Variants in ATXN8OS observed in about 807,000 individuals in gnomAD.
ATXN8OS encodes the protein ATXN8 opposite strand (non-protein coding).
At chr13:70,107,833 G>A (rs1018168298) in exon 1 of ATXN8OS, 18 of 660,248 alleles carry the variant, frequency 2.7e-5, no homozygotes, top group Middle Eastern at 4.2e-4. Flanking sequence ...GCCAGAAGAC[G>A]CTAGGTGGGC....
At chr13:70,108,234 C>T in intron 1 of ATXN8OS, 1 of 390,350 alleles carries the variant, frequency 2.6e-6, no homozygotes. Context: ...GCGTACCCCT[C>T]GCCAGATCTC....
chr13:70,169,931 G>A (rs1045009198), exon 5 of ATXN8OS, among the ~76,000 whole-genome samples: 1 of 152,054 alleles, frequency 6.6e-6, no homozygotes, highest in African/African-American at 2.4e-5. Context: ...TGCATTGCGA[G>A]CCAGCTTCTT....
At chr13:70,158,505 G>A (rs534029255) in intron 4 of ATXN8OS, among the ~76,000 whole-genome samples, 24 of 152,246 alleles carry the variant, frequency 1.6e-4, no homozygotes, top group African/African-American at 5.3e-4. Context: ...TGCCTCCATC[G>A]GTCCCTTTCA....
At chr13:70,124,974 A>G (rs1213285160) in intron 2 of ATXN8OS, among the ~76,000 whole-genome samples, 1 of 150,370 alleles carries the variant, frequency 6.7e-6, no homozygotes, top group African/African-American at 2.4e-5. Flanking sequence ...AATTTAACTC[A>G]ATGGGCTGTG....
intron 4 of ATXN8OS, among the ~76,000 whole-genome samples, chr13:70,158,556 CTA>C (rs1487836511): frequency 2.0e-5 from 3 of 152,206 alleles, no homozygotes. Flanking sequence ...TCTCAGTGCA[CTA>C]TGTGCTAAAA....
At chr13:70,122,981 A>G (rs9572376) in intron 2 of ATXN8OS, among the ~76,000 whole-genome samples, 24,253 of 151,968 alleles carry the variant, frequency 0.16, 2,493 homozygotes, top group African/African-American at 0.29. Context: ...TAAAACTGAA[A>G]TTATAATACT....
intron 4 of ATXN8OS, among the ~76,000 whole-genome samples, chr13:70,150,014 CA>C (rs1294143881): frequency 6.6e-6 from 1 of 152,110 alleles, no homozygotes; most frequent in South Asian, 2.1e-4. Flanking sequence ...TTCTCACAGA[CA>C]ACCTTCTATG....
At chr13:70,114,180 C>G (rs1403053055) in intron 1 of ATXN8OS, among the ~76,000 whole-genome samples, 1 of 151,956 alleles carries the variant, frequency 6.6e-6, no homozygotes, top group African/African-American at 2.4e-5. Context: ...AGTTTTACAC[C>G]CAGTCAGGAT....
intron 3 of ATXN8OS, among the ~76,000 whole-genome samples, chr13:70,140,255 C>A (rs767049363): frequency 6.6e-6 from 1 of 151,714 alleles, no homozygotes; most frequent in Non-Finnish European, 1.5e-5. Context: ...CCTCTGTCAA[C>A]AATAAGTTAT....
intron 4 of ATXN8OS, among the ~76,000 whole-genome samples, chr13:70,169,699 A>G (rs553830370): frequency 2.0e-5 from 3 of 152,220 alleles, no homozygotes; most frequent in Non-Finnish European, 2.9e-5. Context: ...TAAAGATATC[A>G]TCTGTTGAAT....
Position 70,163,369 on chromosome 13 carries a change from A to T in ATXN8OS, n.574-6384A>T, listed in dbSNP as rs531459353. Among the ~76,000 whole-genome samples the T allele has an allele frequency of 1.8e-3, 271 of 151,692 alleles. 1 individual carries two copies. The highest frequency in any genetic ancestry group is 5.8e-3 in the African/African-American group (242 of 41,494). On this transcript the variant is annotated intron_variant and non_coding_transcript_variant, in intron 4 of 4. Coordinates refer to ENST00000678624, the Ensembl canonical transcript of ATXN8OS. ...AGGATCTTAATTATTACACAAAATC[A>T]TCTCCCTTGAATAGCATTTTCTTTC...
At chr13:70,134,047 TTTTTA>T (rs1178725870) in intron 3 of ATXN8OS, among the ~76,000 whole-genome samples, 3 of 152,166 alleles carry the variant, frequency 2.0e-5, no homozygotes, top group African/African-American at 7.2e-5. Context: ...TTATTTTTAT[TTTTTA>T]TTTTTTGTCT....
At chr13:70,150,080 G>C (rs1233360389) in intron 4 of ATXN8OS, among the ~76,000 whole-genome samples, 1 of 152,036 alleles carries the variant, frequency 6.6e-6, no homozygotes, top group Non-Finnish European at 1.5e-5. Context: ...GTTAAGAACA[G>C]AGAAAAAGGG....
intron 4 of ATXN8OS, among the ~76,000 whole-genome samples, chr13:70,161,694 G>T (rs1333592416): frequency 1.3e-5 from 2 of 150,744 alleles, no homozygotes; most frequent in Admixed American, 1.3e-4. Flanking sequence ...ACCAGAGGCG[G>T]TCTCTGTTTC....
intron 2 of ATXN8OS, among the ~76,000 whole-genome samples, chr13:70,128,745 A>G (rs1399604850): frequency 6.6e-6 from 1 of 151,968 alleles, no homozygotes; most frequent in Non-Finnish European, 1.5e-5. Context: ...TCTTCCCCGC[A>G]GTGTCCTGAA....
chr13:70,169,033 A>G (rs1030377777), intron 4 of ATXN8OS, among the ~76,000 whole-genome samples: 1 of 152,130 alleles, frequency 6.6e-6, no homozygotes, highest in African/African-American at 2.4e-5. Context: ...GAACAGACCT[A>G]GTTTTGTTTT....
intron 4 of ATXN8OS, among the ~76,000 whole-genome samples, chr13:70,157,554 T>TG (rs1555301774): frequency 6.8e-6 from 1 of 147,534 alleles, no homozygotes; most frequent in African/African-American, 2.5e-5. Context: ...TACCAGCAGT[T>TG]AAAAAAAAAA....
intron 4 of ATXN8OS, among the ~76,000 whole-genome samples, chr13:70,163,170 T>G (rs986211159): frequency 6.6e-6 from 1 of 152,140 alleles, no homozygotes; most frequent in South Asian, 2.1e-4. Context: ...GTTATGTTTC[T>G]AAATAATGTT....
At chr13:70,151,376 A>G (rs566645853) in intron 4 of ATXN8OS, among the ~76,000 whole-genome samples, 167 of 152,236 alleles carry the variant, frequency 1.1e-3, no homozygotes, top group African/African-American at 3.9e-3. Flanking sequence ...TCTAAAAGAA[A>G]TCATACAGTA....
Sources: allele counts gnomAD v4.1 joint callset (sites outside exome capture counted in the v4.1 genomes callset), GRCh38; gene constraint gnomAD v4.1.1; transcripts MANE v1.5; gene names NCBI Gene and HGNC (gene_info 2026-07-23, HGNC 2026-07-21).